Variants in ABLIM2 observed in about 807,000 individuals in gnomAD.
ABLIM2 encodes the protein actin-binding LIM protein 2.
Under a neutral mutation model 97.7 loss-of-function variants are expected in ABLIM2, and 53 were observed. The observed-to-expected ratio is 0.54, with a 90% CI of 0.44 to 0.68. The LOEUF (loss-of-function observed/expected upper bound fraction) is 0.68. Among genes scored for constraint, ABLIM2 ranks in the 30% least tolerant of loss-of-function variants. The probability of loss-of-function intolerance (pLI) is 0.00; values close to 1 mark genes in which losing one functional copy is unlikely to be tolerated. For synonymous variants in ABLIM2, 361 were observed against 345.8 expected, an observed-to-expected ratio of 1.04 and a Z score of -0.49; for missense variants, 835 against 867.2, an observed-to-expected ratio of 0.96 and a Z score of 0.47.
Position 8,043,837 on chromosome 4 carries a change from G to T in ABLIM2, c.900+1327C>A, listed in dbSNP as rs1790325171. Among the ~76,000 whole-genome samples the T allele has an allele frequency of 6.6e-6, 1 of 152,202 alleles. No individual in the cohort carries two copies. The highest frequency in any genetic ancestry group is 2.4e-5 in the African/African-American group (1 of 41,448). On this transcript the variant is annotated intron_variant, in intron 9 of 20. Transcript: ENST00000447017. This position sits in a 1 kb window ranked among gnomAD's most constrained non-coding sequence, Gnocchi z 4.8. The stretch of plus-strand genomic sequence containing the variant: ...ACTGCCACCCAGGCAGCGCCTCAGT[G>T]AGCCCTGGACCGAAGGTGCCTGGGG...
At chr4:8,099,995 C>T (rs1833691535) in intron 2 of ABLIM2, among the ~76,000 whole-genome samples, 1 of 152,194 alleles carries the variant, frequency 6.6e-6, no homozygotes, top group Non-Finnish European at 1.5e-5. Flanking sequence ...CTAGCACAGA[C>T]ACTGGCAGGA....
At chr4:8,138,499 A>G (rs1850493152) in intron 1 of ABLIM2, among the ~76,000 whole-genome samples, 1 of 152,214 alleles carries the variant, frequency 6.6e-6, no homozygotes, top group African/African-American at 2.4e-5. Flanking sequence ...CCAAAACAGC[A>G]TGGTACTGGT....
rs1204649264 is a variant in ABLIM2, at chr4:8,075,028, C to T, written c.675+2600G>A. ...CTTGAACTCCTGACCTCGTGATCCG[C>T]CTGCCTCAGCCTCCCAAAGTGCTGG... On this transcript the variant is annotated intron_variant, in intron 6 of 20. Transcript: ENST00000447017. This position sits in a 1 kb window ranked among gnomAD's most constrained non-coding sequence, Gnocchi z 4.4. 1.3e-5 allele frequency among the ~76,000 whole-genome samples: 2 copies of T among 152,290 alleles called. No homozygotes were observed. Among genetic ancestry groups the T allele is most frequent in the East Asian group, 1.9e-4 (1 of 5,174 alleles).
At chr4:8,097,078 G>A (rs1561381586) in intron 3 of ABLIM2, 21 bp downstream of exon 3, 2 of 1,590,780 alleles carry the variant, frequency 1.3e-6, no homozygotes, top group Admixed American at 1.7e-5. Flanking sequence ...GGAAGCAGAG[G>A]CCAGGTGCCC....
At position 8,032,830 on chromosome 4, in the gene ABLIM2, A is replaced by G; in HGVS notation, c.1048-3054T>C. The G allele has an allele frequency of 1.3e-6, 1 of 789,966 alleles. No individual in the cohort carries two copies. Among genetic ancestry groups the G allele is most frequent in the Admixed American group, 2.3e-5 (1 of 43,210 alleles). 48.9% of individuals were successfully genotyped at this position (789,966 alleles called of 1,614,324 possible). ...GGAAAAGAACTCTACCCCGAGAGACACAAGTCAGGGTTCCAGAACCTTCTC... is the reference window on the plus strand; with the variant it reads ...GGAAAAGAACTCTACCCCGAGAGACGCAAGTCAGGGTTCCAGAACCTTCTC... On this transcript the variant is annotated intron_variant, in intron 10 of 20. Transcript: ENST00000447017. The surrounding 1 kb of genome is among the most constrained non-coding windows in gnomAD (Gnocchi z 4.3).
chr4:8,142,706 C>A (rs55880416), intron 1 of ABLIM2, among the ~76,000 whole-genome samples: 4 of 152,106 alleles, frequency 2.6e-5, no homozygotes, highest in Non-Finnish European at 4.4e-5. Flanking sequence ...CCTGAATCAG[C>A]GGCCTTGCCC....
intron 1 of ABLIM2, among the ~76,000 whole-genome samples, chr4:8,151,971 C>T (rs574501081): frequency 6.6e-6 from 1 of 152,230 alleles, no homozygotes; most frequent in East Asian, 1.9e-4. Context: ...AGAGGCCATG[C>T]AATGACGCTA....
intron 1 of ABLIM2, among the ~76,000 whole-genome samples, chr4:8,154,962 C>A (rs552576448): frequency 3.9e-5 from 6 of 152,180 alleles, no homozygotes; most frequent in Non-Finnish European, 8.8e-5. Flanking sequence ...AGGGGAACTG[C>A]CCTTTATAAA....
rs951983579 is a variant in ABLIM2, at chr4:8,056,314, TTTTTTTTTGAG to T, written c.764-2079_764-2069del. Among the ~76,000 whole-genome samples the T allele has an allele frequency of 3.7e-4, 55 of 149,032 alleles. 1 individual carries two copies. The South Asian group carries it at 9.2e-3, about 25-fold the overall frequency. ...TCTTCTTTCTTTCTTTCTTTTTTTT[TTTTTTTTTGAG>T]ACAGGGTCTCACTCTGTTACCCAGC... On this transcript the variant is annotated intron_variant, in intron 7 of 20. Coordinates refer to ENST00000447017, the MANE Select transcript of ABLIM2 (RefSeq NM_001130083.2).
At chr4:8,009,542 T>C (rs893074748) in intron 14 of ABLIM2, among the ~76,000 whole-genome samples, 3 of 152,124 alleles carry the variant, frequency 2.0e-5, no homozygotes, top group Non-Finnish European at 4.4e-5. Flanking sequence ...ATTACAGGTG[T>C]GCATCACCAT....
chr4:8,077,497 GC>G, intron 6 of ABLIM2, 130 bp downstream of exon 6: 1 of 889,936 alleles, frequency 1.1e-6, no homozygotes, highest in Non-Finnish European at 1.7e-6. Context: ...GGCTGAGCTG[GC>G]AGGAATAGGG....
At chr4:8,078,231 G>A (rs923846009) in intron 5 of ABLIM2, among the ~76,000 whole-genome samples, 2 of 152,254 alleles carry the variant, frequency 1.3e-5, no homozygotes, top group South Asian at 2.1e-4. Context: ...CACAGCCCCC[G>A]AATATGAGGG....
At chr4:8,131,718 GAGCACAGCAGCCCGCATCCCC>G (rs1554119858) in intron 1 of ABLIM2, among the ~76,000 whole-genome samples, 10 of 48,396 alleles carry the variant, frequency 2.1e-4, no homozygotes, top group South Asian at 1.7e-3. Flanking sequence ...CCGCATCCCT[GAGCACAGCAGCCCGCATCCCC>G]AGCACAGCAG....
intron 1 of ABLIM2, among the ~76,000 whole-genome samples, chr4:8,135,258 A>G (rs1850021351): frequency 1.3e-5 from 2 of 152,232 alleles, no homozygotes; most frequent in South Asian, 4.1e-4. Flanking sequence ...GAGAAAAGGT[A>G]AGCAAATACC....
Position 8,114,653 on chromosome 4 carries a change from G to A in ABLIM2, c.11-8016C>T, listed in dbSNP as rs567198674. On this transcript the variant is annotated intron_variant, in intron 1 of 20. Coordinates refer to ENST00000447017, the MANE Select transcript of ABLIM2 (RefSeq NM_001130083.2). ...CTGGAGCCGGCCCCATTCTCACCAC[G>A]GCCATCACTGCCTGGGCTTGGCAAG... 2.8e-3 allele frequency among the ~76,000 whole-genome samples: 419 copies of A among 152,258 alleles called. 2 individuals carry two copies. The highest frequency in any genetic ancestry group is 4.4e-3 in the Non-Finnish European group (301 of 68,008).
intron 14 of ABLIM2, among the ~76,000 whole-genome samples, chr4:8,017,820 C>T (rs1011872315): frequency 6.6e-6 from 1 of 152,074 alleles, no homozygotes; most frequent in Admixed American, 6.5e-5. Flanking sequence ...GGTGAAACCC[C>T]ACCTTTACTA....
In ABLIM2 at chr4:8,023,713, C is replaced by A. The variant is rs1775505565; in HGVS notation, c.1268-3410G>T. Among the ~76,000 whole-genome samples the A allele has an allele frequency of 6.6e-6, 1 of 152,234 alleles. No individual in the cohort carries two copies. Reference sequence around the variant, plus strand: ...CTCCTGGAGGACGAGGCATCTACTCCCGTTATTTGGAATTCCTCTGTGTGG... The same window carrying A: ...CTCCTGGAGGACGAGGCATCTACTCACGTTATTTGGAATTCCTCTGTGTGG... On this transcript the variant is annotated intron_variant, in intron 12 of 20. Coordinates refer to ENST00000447017, the MANE Select transcript of ABLIM2 (RefSeq NM_001130083.2). This position sits in a 1 kb window ranked among gnomAD's most constrained non-coding sequence, Gnocchi z 5.7.
At chr4:8,049,294 G>A (rs55783735) in intron 8 of ABLIM2, among the ~76,000 whole-genome samples, 12,245 of 152,312 alleles carry the variant, frequency 0.08, 510 homozygotes, top group East Asian at 0.18. Context: ...GCCTGAGGCG[G>A]GGGCATTTGC....
chr4:8,119,616 G>A (rs191677596), intron 1 of ABLIM2, among the ~76,000 whole-genome samples: 18 of 152,260 alleles, frequency 1.2e-4, no homozygotes, highest in African/African-American at 4.3e-4. Context: ...GTGAGCCACC[G>A]TGCCCAGACT....
Sources: allele counts gnomAD v4.1 joint callset (sites outside exome capture counted in the v4.1 genomes callset), GRCh38; gene constraint gnomAD v4.1.1; non-coding constraint Gnocchi (gnomAD v3.1); transcripts MANE v1.5; gene names NCBI Gene and HGNC (gene_info 2026-07-23, HGNC 2026-07-21).